Variants in DGKZ observed in about 807,000 individuals in gnomAD.
DGKZ encodes the protein diacylglycerol kinase zeta, also known as DAG kinase zeta.
In DGKZ, 45 loss-of-function variants were observed where a neutral mutation model predicts 142.5. That is an observed-to-expected ratio of 0.32 (90% CI 0.25 to 0.40). The LOEUF (loss-of-function observed/expected upper bound fraction) is 0.40. Among genes scored for constraint, DGKZ ranks in the 10% least tolerant of loss-of-function variants. The pLI, the probability that DGKZ is intolerant of heterozygous loss-of-function variation, is 1.00. For missense variants in DGKZ, 755 were observed against 1,306.5 expected (o/e 0.58, Z 6.51); for synonymous variants, 442 against 527.0 (o/e 0.84, Z 2.21).
In DGKZ at chr11:46,372,216, G is replaced by A. The variant is rs1944022373; in HGVS notation, c.927+46G>A. On this transcript the variant is annotated intron_variant, in intron 10 of 30. Coordinates refer to ENST00000527911, the Ensembl canonical transcript of DGKZ. The surrounding 1 kb of genome is among the most constrained non-coding windows in gnomAD (Gnocchi z 5.9). ...CAGCTAAGGGCTCGGGCGGGGGTTG[G>A]GGTCCAGCCCGTCTGCCAGCAGCTG... is the stretch of plus-strand genomic sequence containing the variant. 6.6e-7 allele frequency: 1 copy of A among 1,515,112 alleles called. No homozygotes were observed. Among genetic ancestry groups the A allele is most frequent in the African/African-American group, 1.4e-5 (1 of 72,708 alleles). The allele number at this position is 1,515,112 out of a possible 1,614,324, so 93.9% of individuals were successfully genotyped here.
chr11:46,337,601 A>G (rs1459502654), intron 1 of DGKZ, among the ~76,000 whole-genome samples: 1 of 151,946 alleles, frequency 6.6e-6, no homozygotes, highest in Non-Finnish European at 1.5e-5. Context: ...CAGCCTTAAA[A>G]TGGATTCTAA....
At chr11:46,342,953 G>A (rs926982432), upstream of DGKZ, among the ~76,000 whole-genome samples, 13 of 152,068 alleles carry the variant, frequency 8.5e-5, no homozygotes, top group African/African-American at 2.2e-4. Flanking sequence ...GTGAAACTCC[G>A]TCTCTACTAA....
intron 14 of DGKZ, 102 bp downstream of exon 14, chr11:46,373,203 C>T: frequency 1.5e-6 from 2 of 1,312,294 alleles, no homozygotes; most frequent in South Asian, 3.1e-5. Flanking sequence ...CTCTTCATTT[C>T]TCCAACTTCC....
chr11:46,361,450 C>A, intron 1 of DGKZ: 1 of 185,902 alleles, frequency 5.4e-6, no homozygotes, highest in Non-Finnish European at 1.0e-5. Flanking sequence ...TGCCCGTCCG[C>A]CCACCCGTCG....
chr11:46,363,826 C>T (rs1166746224), intron 1 of DGKZ, among the ~76,000 whole-genome samples: 1 of 152,218 alleles, frequency 6.6e-6, no homozygotes, highest in Admixed American at 6.5e-5. Context: ...GGTGCCCTGA[C>T]GGCAGGGGGC....
At chr11:46,335,258 G>A (rs1222703419) in intron 1 of DGKZ, among the ~76,000 whole-genome samples, 1 of 151,626 alleles carries the variant, frequency 6.6e-6, no homozygotes, top group Non-Finnish European at 1.5e-5. Flanking sequence ...AGGTTGCAGT[G>A]AGCAGAGATG....
In DGKZ at chr11:46,374,159, GC is replaced by G; in HGVS notation, c.1333del (p.Leu445TrpfsTer50). The G allele has an allele frequency of 6.2e-7, 1 of 1,614,148 alleles. No individual in the cohort carries two copies. The highest frequency in any genetic ancestry group is 1.1e-5 in the South Asian group (1 of 91,088). On this transcript the variant is annotated frameshift_variant, in exon 15 of 31. Transcript: ENST00000527911. LOFTEE classifies it high-confidence loss of function. ...TTGGTCCCTTGACCTTTTTCCAGTT[GC>G]CCCTGGATGTCTTCAACAACTACTT...
chr11:46,347,577 G>T lies in DGKZ; in HGVS notation c.-83G>T. 9.7e-7 allele frequency: 1 copy of T among 1,027,576 alleles called. No homozygotes were observed. Among genetic ancestry groups the T allele is most frequent in the Non-Finnish European group, 1.2e-6 (1 of 851,728 alleles). The allele number at this position is 1,027,576 out of a possible 1,614,324, so 63.7% of individuals were successfully genotyped here. A position where few individuals can be genotyped will look rare whatever the true frequency, so the allele number is the denominator to read the frequency against. On this transcript the variant is annotated 5_prime_UTR_variant, in exon 1 of 31. Coordinates refer to ENST00000527911, the Ensembl canonical transcript of DGKZ. The surrounding 1 kb of genome is among the most constrained non-coding windows in gnomAD (Gnocchi z 6.4). The stretch of plus-strand genomic sequence containing the variant: ...GCGCGCCATGGAGGTGGCGGGCGGC[G>T]CGGAGCGGGCGTGCTGAGCCCCGGC...
rs374769596 is a variant in DGKZ, at chr11:46,376,665, C to T, written c.2202+101C>T. 2.0e-4 allele frequency: 287 copies of T among 1,465,426 alleles called. 3 individuals are homozygous for T. In the South Asian group the frequency reaches 2.8e-3, roughly 15 times the overall value. The allele number at this position is 1,465,426 out of a possible 1,614,324, so 90.8% of individuals were successfully genotyped here. On this transcript the variant is annotated intron_variant, in intron 24 of 30. Coordinates refer to ENST00000527911, the Ensembl canonical transcript of DGKZ. ...GTTAGCTCCCCCGATGGGCTCACCT[C>T]TGTCCTCATGCCTCTGAGAGCTTTT...
intron 1 of DGKZ, among the ~76,000 whole-genome samples, chr11:46,351,573 GA>G (rs1941388051): frequency 6.6e-6 from 1 of 152,204 alleles, no homozygotes; most frequent in African/African-American, 2.4e-5. Flanking sequence ...GCAGAGGTGA[GA>G]ACCCTGTCTA....
At chr11:46,345,019 C>T (rs1289394992), upstream of DGKZ, among the ~76,000 whole-genome samples, 1 of 152,224 alleles carries the variant, frequency 6.6e-6, no homozygotes, top group Admixed American at 6.5e-5. This position sits in a 1 kb window ranked among gnomAD's most constrained non-coding sequence, Gnocchi z 4.1. Flanking sequence ...ATGCTGCACA[C>T]AGAAGTGCTA....
At chr11:46,337,095 C>T (rs1036378277) in intron 1 of DGKZ, among the ~76,000 whole-genome samples, 2 of 151,998 alleles carry the variant, frequency 1.3e-5, no homozygotes, top group African/African-American at 4.8e-5. Context: ...AAGTCACTCT[C>T]AGCGTAAATG....
chr11:46,354,239 T>G (rs984326437), intron 1 of DGKZ, among the ~76,000 whole-genome samples: 1 of 152,122 alleles, frequency 6.6e-6, no homozygotes, highest in African/African-American at 2.4e-5. Flanking sequence ...CAGGCTGGAG[T>G]GCAGTGGCAC....
In DGKZ at chr11:46,375,965, G is replaced by A; in HGVS notation, c.2011+14G>A. 1.2e-6 allele frequency: 2 copies of A among 1,611,166 alleles called. No individual in the cohort carries two copies. Among genetic ancestry groups the A allele is most frequent in the Non-Finnish European group, 1.7e-6 (2 of 1,179,270 alleles). On this transcript the variant is annotated intron_variant, in intron 21 of 30. Coordinates refer to ENST00000527911, the Ensembl canonical transcript of DGKZ. Reference sequence around the variant, plus strand: ...TCAAGGAGGCCTGTGAGTGCGGTGGGGCGGCCTGGCAGGGTGGCCAGGAGG... The same window carrying A: ...TCAAGGAGGCCTGTGAGTGCGGTGGAGCGGCCTGGCAGGGTGGCCAGGAGG...
At chr11:46,370,123 G>A in intron 6 of DGKZ, 114 bp downstream of exon 6, 1 of 1,345,180 alleles carries the variant, frequency 7.4e-7, no homozygotes, top group South Asian at 1.2e-5. Flanking sequence ...AGAGTCCGGG[G>A]CTGACCCTCA....
chr11:46,349,157 CT>C (rs1191055649), intron 1 of DGKZ, among the ~76,000 whole-genome samples: 1 of 152,238 alleles, frequency 6.6e-6, no homozygotes, highest in African/African-American at 2.4e-5. Flanking sequence ...GATCTGAATT[CT>C]TACACTGGCA....
At chr11:46,360,175 T>C (rs1378659387) in intron 1 of DGKZ, among the ~76,000 whole-genome samples, 1 of 152,164 alleles carries the variant, frequency 6.6e-6, no homozygotes, top group African/African-American at 2.4e-5. Context: ...TAAAGAGATT[T>C]GCAAAAAATG....
intron 1 of DGKZ, chr11:46,366,857 G>A (rs1236513821): frequency 5.8e-6 from 9 of 1,546,872 alleles, no homozygotes; most frequent in African/African-American, 1.4e-5. Context: ...TGGCCCTGGG[G>A]GCCGAAGAGC....
At chr11:46,376,126 A>T (rs1467393716) in exon 22 of DGKZ, 1 of 1,611,098 alleles carries the variant, frequency 6.2e-7, no homozygotes, top group Non-Finnish European at 8.5e-7. Context: ...TGCCGTGCCC[A>T]CATTGAGAGA....
Sources: gnomAD v4.1 joint callset for allele counts (sites outside exome capture counted in the v4.1 genomes callset) on GRCh38, gnomAD v4.1.1 for gene constraint, Gnocchi (gnomAD v3.1) non-coding constraint, MANE v1.5 for transcripts, NCBI Gene and HGNC (gene_info 2026-07-23, HGNC 2026-07-21) for gene names.